DNAI3: variants seen among roughly 807,000 people sequenced by gnomAD.
The protein encoded by DNAI3 is dynein axonemal intermediate chain 3, also known as WD repeat domain 63.
A neutral mutation model predicts 115.5 loss-of-function variants in DNAI3; 83 were observed. The ratio of observed to expected loss-of-function variants is 0.72; its 90% CI spans 0.60 to 0.86. DNAI3 has a LOEUF of 0.86. DNAI3 is among the 40% of genes least tolerant of loss of function. The probability of loss-of-function intolerance (pLI) is 0.00; values close to 1 mark genes in which losing one functional copy is unlikely to be tolerated. For synonymous variants in DNAI3, 320 were observed against 347.0 expected (o/e 0.92, Z 0.86); for missense variants, 1,004 against 1,075.8 (o/e 0.93, Z 0.93).
intron 3 of DNAI3, among the ~76,000 whole-genome samples, chr1:85,078,798 C>A (rs1225119079): frequency 1.3e-5 from 2 of 152,158 alleles, no homozygotes; most frequent in Non-Finnish European, 2.9e-5. Context: ...TCACTGTTTG[C>A]CAACTCGAAG....
At chr1:85,123,409 A>G (rs1303283276) in intron 18 of DNAI3, among the ~76,000 whole-genome samples, 1 of 152,008 alleles carries the variant, frequency 6.6e-6, no homozygotes, top group Non-Finnish European at 1.5e-5. Flanking sequence ...CCTAGTCCCC[A>G]TTTGTTTCAT....
chr1:85,094,610 A>G (rs1394795850), intron 10 of DNAI3, 55 bp downstream of exon 10: 1 of 1,592,540 alleles, frequency 6.3e-7, no homozygotes, highest in African/African-American at 1.4e-5. Flanking sequence ...ACTTTCATGT[A>G]TACCTTTAGC....
At chr1:85,110,323 C>T (rs1338140678) in intron 16 of DNAI3, among the ~76,000 whole-genome samples, 188 bp downstream of exon 16, 1 of 151,348 alleles carries the variant, frequency 6.6e-6, no homozygotes, top group Admixed American at 6.6e-5. Flanking sequence ...TAGTGGCGGG[C>T]GCCTGTAGTC....
chr1:85,093,791 T>C (rs1175621369), intron 9 of DNAI3, 143 bp downstream of exon 9: 2 of 928,326 alleles, frequency 2.2e-6, no homozygotes, highest in Non-Finnish European at 3.4e-6. Context: ...CCATGTGCTT[T>C]CCACGCCCTC....
At chr1:85,068,114 G>C (rs1039286917) in intron 1 of DNAI3, among the ~76,000 whole-genome samples, 2 of 139,916 alleles carry the variant, frequency 1.4e-5, no homozygotes, top group Non-Finnish European at 3.1e-5. Context: ...GGACCAAGGA[G>C]TTATTAATCT....
chr1:85,100,438 A>G (rs1027430622), intron 13 of DNAI3, among the ~76,000 whole-genome samples: 2 of 152,232 alleles, frequency 1.3e-5, no homozygotes, highest in Non-Finnish European at 2.9e-5. Context: ...ATCTCACACC[A>G]GTTAGAATGG....
chr1:85,085,723 C>A, intron 6 of DNAI3, 108 bp from the exon 7 acceptor site: 1 of 866,974 alleles, frequency 1.2e-6, no homozygotes, highest in Non-Finnish European at 1.8e-6. Context: ...GCTGGAGGTG[C>A]TCACAGAAAG....
intron 5 of DNAI3, among the ~76,000 whole-genome samples, chr1:85,082,916 C>T (rs2100568507): frequency 6.6e-6 from 1 of 152,266 alleles, no homozygotes; most frequent in East Asian, 1.9e-4. Context: ...TTGCCGTCTC[C>T]ACAACTTTGA....
chr1:85,090,000 A>T, intron 7 of DNAI3, 116 bp from the exon 8 acceptor site: 2 of 403,030 alleles, frequency 5.0e-6, no homozygotes, highest in Non-Finnish European at 9.0e-6. Flanking sequence ...TATAATTTAA[A>T]TATAAAATAA....
intron 13 of DNAI3, among the ~76,000 whole-genome samples, chr1:85,100,850 G>A (rs1021357031): frequency 2.5e-4 from 38 of 152,004 alleles, no homozygotes; most frequent in African/African-American, 5.3e-4. Flanking sequence ...GGAAACCATC[G>A]TTCTCAGCAA....
chr1:85,096,101 C>T (rs1655114572), intron 11 of DNAI3, 81 bp downstream of exon 11: 1 of 1,291,168 alleles, frequency 7.7e-7, no homozygotes, highest in African/African-American at 1.5e-5. Flanking sequence ...GTTCCTTGGA[C>T]TTAAGGATTC....
At chr1:85,092,052 C>T (rs1319237491) in intron 8 of DNAI3, among the ~76,000 whole-genome samples, 4 of 152,204 alleles carry the variant, frequency 2.6e-5, no homozygotes, top group Admixed American at 6.5e-5. Context: ...CGAGAGTCCG[C>T]TACACAGGGT....
At chr1:85,063,950 CTT>C (rs1654016434) in intron 1 of DNAI3, among the ~76,000 whole-genome samples, 1 of 152,038 alleles carries the variant, frequency 6.6e-6, no homozygotes, top group Non-Finnish European at 1.5e-5. Flanking sequence ...GTTAGTAACT[CTT>C]TTCATATTAC....
intron 20 of DNAI3, among the ~76,000 whole-genome samples, chr1:85,128,244 C>A (rs1414818290): frequency 6.6e-6 from 1 of 150,716 alleles, no homozygotes; most frequent in Non-Finnish European, 1.5e-5. Context: ...CTTGTTTTTA[C>A]AATAAGACCT....
intron 17 of DNAI3, among the ~76,000 whole-genome samples, chr1:85,120,334 G>T (rs1389617499): frequency 4.6e-5 from 7 of 152,204 alleles, no homozygotes; most frequent in African/African-American, 1.7e-4. Flanking sequence ...CAGGCAGGCG[G>T]TGATTTCAGG....
At chr1:85,065,279 G>A (rs547980986) in intron 1 of DNAI3, among the ~76,000 whole-genome samples, 1 of 152,080 alleles carries the variant, frequency 6.6e-6, no homozygotes, top group Non-Finnish European at 1.5e-5. Context: ...ACAAATGAGA[G>A]CATGTAAACA....
At chr1:85,104,189 C>T (rs1203083889) in intron 13 of DNAI3, among the ~76,000 whole-genome samples, 1 of 148,862 alleles carries the variant, frequency 6.7e-6, no homozygotes, top group Non-Finnish European at 1.5e-5. Context: ...GGCACCATCT[C>T]GGCTCACTGC....
intron 13 of DNAI3, among the ~76,000 whole-genome samples, chr1:85,101,339 G>A (rs1375787810): frequency 6.6e-6 from 1 of 151,868 alleles, no homozygotes; most frequent in African/African-American, 2.4e-5. Context: ...TATAATAATG[G>A]GAGTTGTAAT....
At chr1:85,098,995 A>G (rs2100586999) in intron 13 of DNAI3, among the ~76,000 whole-genome samples, 1 of 152,316 alleles carries the variant, frequency 6.6e-6, no homozygotes, top group Admixed American at 6.5e-5. Flanking sequence ...TTATGATCTC[A>G]GATATCTGGG....
Sources: gnomAD v4.1 joint callset for allele counts (sites outside exome capture counted in the v4.1 genomes callset) on GRCh38, gnomAD v4.1.1 for gene constraint, MANE v1.5 for transcripts, NCBI Gene and HGNC (gene_info 2026-07-23, HGNC 2026-07-21) for gene names.